Variants in PIGN observed in about 807,000 individuals in gnomAD.
The protein encoded by PIGN is phosphatidylinositol glycan anchor biosynthesis class N, also known as GPI ethanolamine phosphate transferase 1.
PIGN carries 117 observed loss-of-function variants against 125.4 expected under a neutral mutation model. That is an observed-to-expected ratio of 0.93 (90% CI 0.80 to 1.09). The LOEUF (loss-of-function observed/expected upper bound fraction) is 1.09. Ranked by LOEUF, PIGN falls within the 50% of genes least tolerant of loss-of-function variation. The pLI is 0.00. For synonymous variants in PIGN, 392 were observed against 377.8 expected (o/e 1.04, Z -0.44); for missense variants, 1,075 against 1,094.9 (o/e 0.98, Z 0.26).
Position 62,071,513 on chromosome 18 carries a change from T to C in PIGN, c.2672+1160A>G, listed in dbSNP as rs536393861. ...CATATGGGCACCTTCTATACTAAGATACTAAGTTTTAATTTTTTTTTACTG... is the reference window on the plus strand; with the variant it reads ...CATATGGGCACCTTCTATACTAAGACACTAAGTTTTAATTTTTTTTTACTG... On this transcript the variant is annotated intron_variant, in intron 30 of 30. Coordinates refer to ENST00000640252, the MANE Select transcript of PIGN (RefSeq NM_176787.5). Among the ~76,000 whole-genome samples, 6 of 152,278 alleles carry C rather than the reference T, an allele frequency of 3.9e-5. No individual in the cohort carries two copies. The East Asian group carries it at 7.7e-4, about 20-fold the overall frequency.
chr18:62,179,311 T>G (rs901924537), intron 1 of PIGN, among the ~76,000 whole-genome samples: 1 of 152,190 alleles, frequency 6.6e-6, no homozygotes, highest in Non-Finnish European at 1.5e-5. Flanking sequence ...TAGTTTTTGG[T>G]AGGAAGTCAC....
chr18:62,171,193 A>G (rs542908945), intron 1 of PIGN, among the ~76,000 whole-genome samples: 1 of 152,192 alleles, frequency 6.6e-6, no homozygotes, highest in Non-Finnish European at 1.5e-5. Context: ...TGTAGTTTCA[A>G]ATTAATAGGT....
In PIGN at chr18:62,120,302, T is replaced by C. The variant is rs1056986032; in HGVS notation, c.1173-5663A>G. Among the ~76,000 whole-genome samples, 4 of 152,284 alleles carry C rather than the reference T, an allele frequency of 2.6e-5. No homozygotes were observed. In the East Asian group the frequency reaches 7.7e-4, roughly 29 times the overall value. On this transcript the variant is annotated intron_variant, in intron 14 of 30. Transcript: ENST00000640252. Reference sequence around the variant, plus strand: ...AATGATGGAATGACATCCTTAAGTTTCTGAAAGAAAATAACTGACAATCTA... The same window carrying C: ...AATGATGGAATGACATCCTTAAGTTCCTGAAAGAAAATAACTGACAATCTA...
chr18:62,023,751 C>T (rs1206543252), intron 23 of PIGN, among the ~76,000 whole-genome samples: 1 of 152,204 alleles, frequency 6.6e-6, no homozygotes, highest in Admixed American at 6.5e-5. Flanking sequence ...GGCAACACAA[C>T]TGCACACTTT....
rs916813245 is a variant in PIGN at position 62,143,331 on chromosome 18, T to G, written c.938A>C (p.Asn313Thr). 16 of 1,521,026 alleles carry G rather than the reference T, an allele frequency of 1.1e-5. No individual in the cohort carries two copies. The African/African-American group carries it at 2.2e-4, about 21-fold the overall frequency. 94.2% of individuals were successfully genotyped at this position (1,521,026 alleles called of 1,614,324 possible). A position where few individuals can be genotyped will look rare whatever the true frequency, so the allele number is the denominator to read the frequency against. The change falls in exon 11 of 31, where the codon AAT (asparagine) becomes ACT (threonine). Residue 313 changes from asparagine to threonine, a missense_variant. Asn to Thr is a moderately conservative substitution (Grantham distance 65, BLOSUM62 0). Around this residue, in one of 3 missense-constraint regions of PIGN, gnomAD observed 915 missense variants for 908.7 expected, o/e 1.01. Coordinates refer to ENST00000640252, the MANE Select transcript of PIGN (RefSeq NM_176787.5). ...CTGATTGACATCTAGCCTCTTCCAA[T>G]TCTCCAATCTCCACTCTGAAAGATA... The part of the protein sequence containing the change: ...DAFLKEWRLE[N>T]WKRLDVNQAD...
intron 1 of PIGN, among the ~76,000 whole-genome samples, chr18:62,180,483 A>G (rs1346892546): frequency 6.6e-6 from 1 of 152,198 alleles, no homozygotes; most frequent in African/African-American, 2.4e-5. Flanking sequence ...GAAAGCTTCT[A>G]TATCTCTAAA....
chr18:62,109,385 T>C (rs2034783274), intron 17 of PIGN, among the ~76,000 whole-genome samples: 1 of 128,176 alleles, frequency 7.8e-6, no homozygotes, highest in Non-Finnish European at 1.7e-5. Flanking sequence ...CTACAAAGTT[T>C]AATTTATCTA....
chr18:62,160,098 G>A (rs747786968), intron 4 of PIGN, among the ~76,000 whole-genome samples: 15 of 152,292 alleles, frequency 9.8e-5, no homozygotes, highest in Admixed American at 2.0e-4. Context: ...GGGTGACAGA[G>A]CGAGACTCCG....
intron 6 of PIGN, among the ~76,000 whole-genome samples, chr18:62,156,620 T>G (rs9945009): frequency 0.012 from 1,772 of 152,238 alleles, 22 homozygotes; most frequent in East Asian, 0.05. Context: ...TGTGAGCCAC[T>G]GTGCCCAGCC....
intron 11 of PIGN, among the ~76,000 whole-genome samples, chr18:62,140,925 G>T (rs1568221140): frequency 1.3e-5 from 2 of 152,188 alleles, no homozygotes; most frequent in Admixed American, 6.5e-5. Flanking sequence ...ATAAACCAGA[G>T]AAGAGGCTCT....
intron 20 of PIGN, among the ~76,000 whole-genome samples, chr18:62,104,498 T>C (rs1013321836): frequency 6.6e-6 from 1 of 152,196 alleles, no homozygotes; most frequent in Non-Finnish European, 1.5e-5. Flanking sequence ...GTTATGACAG[T>C]TGCAAAATGT....
At chr18:62,141,709 A>C (rs1255546102) in intron 11 of PIGN, among the ~76,000 whole-genome samples, 1 of 152,106 alleles carries the variant, frequency 6.6e-6, no homozygotes, top group African/African-American at 2.4e-5. Flanking sequence ...ACACACAAAA[A>C]ACCACATCGT....
chr18:62,041,945 C>T lies in PIGN; in HGVS notation c.*3911G>A, dbSNP rs2030397662. 1 of 152,144 alleles carries T rather than the reference C, an allele frequency of 6.6e-6. No individual in the cohort carries two copies. The highest frequency in any genetic ancestry group is 2.1e-4 in the South Asian group (1 of 4,824). 9.4% of individuals were successfully genotyped at this position (152,144 alleles called of 1,614,324 possible). Reference sequence around the variant, plus strand: ...CTTCCTCCCTTCACAACGTACATCACAAGTTAAATTCCCTTAGAACTAATG... The same window carrying T: ...CTTCCTCCCTTCACAACGTACATCATAAGTTAAATTCCCTTAGAACTAATG... On this transcript the variant is annotated 3_prime_UTR_variant, in exon 31 of 31. Coordinates refer to ENST00000640252, the MANE Select transcript of PIGN (RefSeq NM_176787.5).
chr18:62,025,765 A>G (rs2030109744), intron 23 of PIGN, among the ~76,000 whole-genome samples: 1 of 152,154 alleles, frequency 6.6e-6, no homozygotes, highest in Non-Finnish European at 1.5e-5. Flanking sequence ...CTCAGTGTCT[A>G]AGCAGGAATA....
chr18:62,149,393 A>C (rs1368522199), intron 7 of PIGN, among the ~76,000 whole-genome samples: 1 of 152,214 alleles, frequency 6.6e-6, no homozygotes, highest in Non-Finnish European at 1.5e-5. Flanking sequence ...TCTTTAAGAG[A>C]AAAGAATTAA....
Position 62,161,359 on chromosome 18 carries a change from G to T in PIGN, c.-6C>A. On this transcript the variant is annotated 5_prime_UTR_variant, in exon 4 of 31. In the 5' UTR this introduces an upstream ATG that the reference lacks. Coordinates refer to ENST00000640252, the MANE Select transcript of PIGN (RefSeq NM_176787.5). ...AAAGTAAAGAACAGCAGCATATCCA[G>T]TGTAACTAATTAGTCTTCAAGAACA... The T allele has an allele frequency of 2.5e-6, 4 of 1,596,722 alleles. No homozygotes were observed. The highest frequency in any genetic ancestry group is 3.4e-6 in the Non-Finnish European group (4 of 1,166,480).
chr18:62,184,088 C>A (rs1372384511), intron 1 of PIGN, among the ~76,000 whole-genome samples: 1 of 151,876 alleles, frequency 6.6e-6, no homozygotes, highest in Non-Finnish European at 1.5e-5. Context: ...ATGCATGTAC[C>A]AATACAAGTT....
intron 28 of PIGN, among the ~76,000 whole-genome samples, chr18:62,080,546 T>C (rs13313706): frequency 0.17 from 25,723 of 152,206 alleles, 2,937 homozygotes; most frequent in Middle Eastern, 0.28. Flanking sequence ...AAGACACTGC[T>C]ACCCTGACAG....
rs776011686 is a variant in PIGN, at chr18:62,105,586, G to C, written c.1816C>G (p.Pro606Ala). 58 of 1,555,662 alleles carry C rather than the reference G, an allele frequency of 3.7e-5. No individual in the cohort carries two copies. The highest frequency in any genetic ancestry group is 5.0e-5 in the Non-Finnish European group (57 of 1,149,064). Reference protein sequence around the residue: ...TFFSLLLAVFPLMPVVGRKPD... With the variant: ...TFFSLLLAVFALMPVVGRKPD... ...TTTCGACCTACAACCGGCATCAGTGGGAACACTGCCAGGAGCAAAGAGAAG... is the reference window on the plus strand; with the variant it reads ...TTTCGACCTACAACCGGCATCAGTGCGAACACTGCCAGGAGCAAAGAGAAG... Residue 606 changes from proline (P) to alanine (A), a missense_variant, in exon 20 of 31, where the codon CCA becomes GCA. Physicochemically the swap from Pro to Ala is conservative, Grantham distance 27 (BLOSUM62 -1). Around this residue, in one of 3 missense-constraint regions of PIGN, gnomAD observed 915 missense variants for 908.7 expected, o/e 1.01. Transcript: ENST00000640252.
Sources: allele counts gnomAD v4.1 joint callset (sites outside exome capture counted in the v4.1 genomes callset), GRCh38; gene constraint gnomAD v4.1.1; regional missense constraint gnomAD v4.1.1; transcripts MANE v1.5; gene names NCBI Gene and HGNC (gene_info 2026-07-23, HGNC 2026-07-21).